The following CDK14 variants were observed in gnomAD, a reference collection of about 807,000 sequenced individuals.
The protein encoded by CDK14 is cyclin dependent kinase 14.
A neutral mutation model predicts 60.7 loss-of-function variants in CDK14; 34 were observed. The observed-to-expected ratio is 0.56, with a 90% CI of 0.43 to 0.75. The LOEUF (loss-of-function observed/expected upper bound fraction) is 0.75. CDK14 is among the 30% of genes least tolerant of loss of function. The pLI, the probability that CDK14 is intolerant of heterozygous loss-of-function variation, is 0.00. For synonymous variants in CDK14, 197 were observed against 203.7 expected (o/e 0.97, Z 0.28); for missense variants, 482 against 564.1 (o/e 0.85, Z 1.47).
At chr7:91,128,523 A>G (rs1800017523) in intron 14 of CDK14, among the ~76,000 whole-genome samples, 1 of 152,220 alleles carries the variant, frequency 6.6e-6, no homozygotes, top group African/African-American at 2.4e-5. Flanking sequence ...TTTATCTTTC[A>G]CAGAAACCCA....
chr7:90,750,800 G>A (rs946984279), intron 4 of CDK14, among the ~76,000 whole-genome samples: 1 of 151,860 alleles, frequency 6.6e-6, no homozygotes, highest in African/African-American at 2.4e-5. Flanking sequence ...TTGAACCTGC[G>A]AGGCGGAGGT....
chr7:90,923,260 C>T (rs935378476), intron 8 of CDK14, among the ~76,000 whole-genome samples: 4 of 151,942 alleles, frequency 2.6e-5, no homozygotes, highest in African/African-American at 9.7e-5. Flanking sequence ...CAGGCGCCCA[C>T]CACCACTCCT....
At chr7:90,846,987 C>A (rs1055649641) in intron 5 of CDK14, among the ~76,000 whole-genome samples, 7 of 152,262 alleles carry the variant, frequency 4.6e-5, no homozygotes, top group African/African-American at 1.7e-4. Flanking sequence ...TATTCTCTTT[C>A]CTTTTAAGAT....
intron 13 of CDK14, among the ~76,000 whole-genome samples, chr7:91,113,448 AG>A (rs1799528297): frequency 1.3e-5 from 2 of 152,170 alleles, no homozygotes; most frequent in African/African-American, 4.8e-5. Context: ...TATGGCTGGG[AG>A]GATCTCAGAT....
At chr7:90,715,985 G>A (rs189293650) in intron 2 of CDK14, among the ~76,000 whole-genome samples, 98 of 151,952 alleles carry the variant, frequency 6.4e-4, no homozygotes, top group Non-Finnish European at 1.2e-3. Context: ...CTCTTAACAC[G>A]TACCATTTGG....
At chr7:91,070,828 C>CA (rs60407101) in intron 11 of CDK14, among the ~76,000 whole-genome samples, 11,488 of 140,250 alleles carry the variant, frequency 0.082, 637 homozygotes, top group African/African-American at 0.16. Context: ...TAATTTTTAC[C>CA]AAAAAAAAAA....
chr7:90,850,510 A>G (rs1198565549), intron 5 of CDK14, among the ~76,000 whole-genome samples: 1 of 152,180 alleles, frequency 6.6e-6, no homozygotes, highest in Admixed American at 6.5e-5. Context: ...CACCTCACTT[A>G]ACCTTGGGGG....
At chr7:90,850,960 C>G (rs1040507762) in intron 5 of CDK14, among the ~76,000 whole-genome samples, 1 of 152,114 alleles carries the variant, frequency 6.6e-6, no homozygotes, top group Non-Finnish European at 1.5e-5. Flanking sequence ...TATCTGATGT[C>G]CTTTTAGTCT....
At chr7:91,113,971 A>G (rs1031902757) in intron 13 of CDK14, among the ~76,000 whole-genome samples, 10 of 152,162 alleles carry the variant, frequency 6.6e-5, no homozygotes, top group African/African-American at 2.2e-4. Context: ...TGCCCTTTCT[A>G]AAGTCTACTC....
intron 2 of CDK14, among the ~76,000 whole-genome samples, chr7:90,621,807 C>A (rs180987626): frequency 1.3e-5 from 2 of 152,138 alleles, no homozygotes; most frequent in Admixed American, 1.3e-4. Flanking sequence ...AATGTTGGCA[C>A]TATTATTTCT....
At chr7:91,199,659 G>T (rs1388061447) in intron 14 of CDK14, among the ~76,000 whole-genome samples, 1 of 152,190 alleles carries the variant, frequency 6.6e-6, no homozygotes, top group African/African-American at 2.4e-5. Context: ...TCTCATGTGA[G>T]AAATGCTTTG....
chr7:91,119,657 C>T (rs1437765266), intron 14 of CDK14, among the ~76,000 whole-genome samples: 1 of 152,138 alleles, frequency 6.6e-6, no homozygotes, highest in East Asian at 1.9e-4. Context: ...TGTGGGTAAT[C>T]TGCCAGTATC....
intron 2 of CDK14, among the ~76,000 whole-genome samples, chr7:90,612,475 T>C (rs1440235317): frequency 1.3e-5 from 2 of 152,030 alleles, no homozygotes; most frequent in Non-Finnish European, 2.9e-5. Flanking sequence ...CTCTCTCTTA[T>C]AGTAAGATTT....
At chr7:90,741,861 T>A (rs755287609) in intron 3 of CDK14, among the ~76,000 whole-genome samples, 5 of 152,128 alleles carry the variant, frequency 3.3e-5, no homozygotes, top group Non-Finnish European at 5.9e-5. Flanking sequence ...CTAGGTTACA[T>A]AATTTTTTGA....
chr7:91,008,515 A>G (rs111724493), intron 10 of CDK14, among the ~76,000 whole-genome samples: 4 of 151,896 alleles, frequency 2.6e-5, no homozygotes, highest in African/African-American at 7.2e-5. Context: ...CCCTTCTTGT[A>G]TTTGTATTAT....
chr7:90,709,280 G>C, intron 2 of CDK14: 1 of 550,490 alleles, frequency 1.8e-6, no homozygotes, highest in Non-Finnish European at 2.9e-6. Flanking sequence ...CATGCATGAT[G>C]GTGGCTGAAA....
At chr7:90,745,974 T>C (rs908083568) in intron 3 of CDK14, among the ~76,000 whole-genome samples, 4 of 152,174 alleles carry the variant, frequency 2.6e-5, no homozygotes. Context: ...TATTGGCTAT[T>C]TGAGTCCTTG....
chr7:90,706,295 C>T (rs1480672899), intron 2 of CDK14, among the ~76,000 whole-genome samples: 2 of 152,188 alleles, frequency 1.3e-5, no homozygotes, highest in Non-Finnish European at 2.9e-5. Context: ...GCTTTATAGT[C>T]AGACTTGGTG....
chr7:91,155,697 A>C (rs1029051724), intron 14 of CDK14, among the ~76,000 whole-genome samples: 1 of 152,220 alleles, frequency 6.6e-6, no homozygotes, highest in Non-Finnish European at 1.5e-5. Context: ...GTTTTATACA[A>C]TAATAACTTG....
Sources: allele counts gnomAD v4.1 joint callset (sites outside exome capture counted in the v4.1 genomes callset), GRCh38; gene constraint gnomAD v4.1.1; transcripts MANE v1.5; gene names NCBI Gene and HGNC (gene_info 2026-07-23, HGNC 2026-07-21).